KMT2C: variants seen among roughly 807,000 people sequenced by gnomAD.
KMT2C encodes the protein histone-lysine N-methyltransferase 2C.
In KMT2C, 88 loss-of-function variants were observed where a neutral mutation model predicts 507.9. That is an observed-to-expected ratio of 0.17 (90% CI 0.15 to 0.21). The LOEUF (loss-of-function observed/expected upper bound fraction) is 0.21, where lower values mean the gene tolerates loss of function less well. Among genes scored for constraint, KMT2C ranks in the 10% least tolerant of loss-of-function variants. KMT2C has a pLI of 1.00. For synonymous variants in KMT2C, 2,049 were observed against 2,080.8 expected (o/e 0.98, Z 0.42); for missense variants, 4,954 against 5,957.8 (o/e 0.83, Z 5.55).
intron 3 of KMT2C, among the ~76,000 whole-genome samples, chr7:152,318,280 AT>A (rs1387268218): frequency 1.3e-5 from 2 of 151,992 alleles, no homozygotes; most frequent in Non-Finnish European, 1.5e-5. Context: ...TTAAAAGACC[AT>A]TTTTGAGATT....
intron 6 of KMT2C, among the ~76,000 whole-genome samples, chr7:152,280,927 G>A (rs917707101): frequency 1.1e-4 from 17 of 151,852 alleles, no homozygotes; most frequent in African/African-American, 3.9e-4. Flanking sequence ...TTTAAACTCT[G>A]GCTTGGAAAT....
chr7:152,338,022 A>T (rs2096954158), intron 2 of KMT2C, among the ~76,000 whole-genome samples: 1 of 151,692 alleles, frequency 6.6e-6, no homozygotes, highest in Admixed American at 6.6e-5. Context: ...ACACCTGGCT[A>T]ATTTTTTGTA....
chr7:152,159,485 T>C (rs548792881), intron 43 of KMT2C, among the ~76,000 whole-genome samples: 61 of 152,308 alleles, frequency 4.0e-4, no homozygotes, highest in African/African-American at 1.5e-3. Flanking sequence ...CCTTAGGAAC[T>C]AGTGAAATAT....
At chr7:152,324,736 C>G (rs1197759653) in intron 3 of KMT2C, among the ~76,000 whole-genome samples, 1 of 151,962 alleles carries the variant, frequency 6.6e-6, no homozygotes, top group Non-Finnish European at 1.5e-5. Context: ...CTGTCTTAAA[C>G]TAGCTGTTCC....
At position 152,177,426 on chromosome 7, in the gene KMT2C, T is replaced by C. The variant is rs1369567253; in HGVS notation, c.8027A>G (p.Gln2676Arg). Residue 2676 changes from glutamine (Q) to arginine (R), a missense_variant, in exon 38 of 59, where the codon CAG becomes CGG. Gln to Arg is a conservative substitution (Grantham distance 43). Coordinates refer to ENST00000262189, the MANE Select transcript of KMT2C (RefSeq NM_170606.3). Reference sequence around the variant, plus strand: ...ACCATCAGAAGGCTGGGTGGTTATCTGTAAATTATCAGACGTTGTTTCAGA... The same window carrying C: ...ACCATCAGAAGGCTGGGTGGTTATCCGTAAATTATCAGACGTTGTTTCAGA... ...VPSETTSDNL[Q>R]ITTQPSDGLE... The C allele has an allele frequency of 6.2e-7, 1 of 1,614,162 alleles. No homozygotes were observed. The highest frequency in any genetic ancestry group is 1.1e-5 in the South Asian group (1 of 91,080).
At chr7:152,423,682 A>G (rs1256792437) in intron 1 of KMT2C, among the ~76,000 whole-genome samples, 1 of 152,204 alleles carries the variant, frequency 6.6e-6, no homozygotes, top group East Asian at 1.9e-4. Context: ...ACAGAAATAA[A>G]CACTCCTGTT....
chr7:152,333,022 G>A (rs2096898733), intron 2 of KMT2C, among the ~76,000 whole-genome samples: 1 of 152,052 alleles, frequency 6.6e-6, no homozygotes, highest in Non-Finnish European at 1.5e-5. Flanking sequence ...TTAGTGAAAT[G>A]ATCTTCTATC....
In KMT2C at chr7:152,148,494, C is replaced by T. The variant is rs1384379726; in HGVS notation, c.13433G>A (p.Arg4478Gln). Residue 4478 changes from arginine (R) to glutamine (Q), a missense_variant, in exon 52 of 59, where the codon CGA becomes CAA. Transcript: ENST00000262189. This position sits in a 1 kb window ranked among gnomAD's most constrained non-coding sequence, Gnocchi z 7.1. ...TGATSGCHRF[R>Q]CTNIYHFTCA... The stretch of plus-strand genomic sequence containing the variant: ...AGTGAAGTGATAAATGTTGGTGCAT[C>T]GAAATCTGTGGCATCCACTAGTGGC... The T allele has an allele frequency of 2.5e-6, 4 of 1,614,078 alleles. No homozygotes were observed. Among genetic ancestry groups the T allele is most frequent in the South Asian group, 1.1e-5 (1 of 91,092 alleles).
Position 152,361,298 on chromosome 7 carries a change from C to T in KMT2C, c.162-2623G>A, listed in dbSNP as rs538509991. 4.1e-4 allele frequency among the ~76,000 whole-genome samples: 62 copies of T among 152,238 alleles called. No homozygotes were observed. In the East Asian group the frequency reaches 9.6e-3, roughly 24 times the overall value. Reference sequence around the variant, plus strand: ...TTTTTAGGCTGGGCACGGTGGCTCACGCCTGTAATCCCAGCACTTTGGGAG... The same window carrying T: ...TTTTTAGGCTGGGCACGGTGGCTCATGCCTGTAATCCCAGCACTTTGGGAG... On this transcript the variant is annotated intron_variant, in intron 1 of 58. Coordinates refer to ENST00000262189, the MANE Select transcript of KMT2C (RefSeq NM_170606.3).
At chr7:152,195,633 AAAC>A in intron 28 of KMT2C, 1 of 744,326 alleles carries the variant, frequency 1.3e-6, no homozygotes. Flanking sequence ...GGGAAAATAC[AAAC>A]AAAAGAAGAA....
intron 9 of KMT2C, among the ~76,000 whole-genome samples, chr7:152,255,636 T>C (rs531791173): frequency 1.0e-3 from 158 of 152,178 alleles, no homozygotes; most frequent in Middle Eastern, 6.8e-3. Context: ...CTACAAAGGC[T>C]CTATAACAAA....
Position 152,248,007 on chromosome 7 carries a change from T to C in KMT2C, c.2427A>G (p.Gly809=), listed in dbSNP as rs2095504381. 1 of 1,614,254 alleles carries C rather than the reference T, an allele frequency of 6.2e-7. No individual in the cohort carries two copies. Among genetic ancestry groups the C allele is most frequent in the Non-Finnish European group, 8.5e-7 (1 of 1,180,006 alleles). The change falls in exon 14 of 59, where the codon GGA becomes GGG. Residue 809 remains glycine (G), a synonymous_variant. Coordinates refer to ENST00000262189, the MANE Select transcript of KMT2C (RefSeq NM_170606.3). The part of the protein sequence containing the change: ...NYPSALSSSA[G]NIMPTTYISV... ...AGATGTAAGTTGTTGGCATGATGTT[T>C]CCAGCAGAGGAACTAAGAGCTGAAG...
At chr7:152,246,921 T>C (rs1002042272) in intron 14 of KMT2C, among the ~76,000 whole-genome samples, 11 of 152,156 alleles carry the variant, frequency 7.2e-5, no homozygotes, top group African/African-American at 2.2e-4. Context: ...GGGTTTGATA[T>C]AGAGGAGACT....
At chr7:152,405,316 C>A (rs2097602909) in intron 1 of KMT2C, among the ~76,000 whole-genome samples, 1 of 150,772 alleles carries the variant, frequency 6.6e-6, no homozygotes, top group African/African-American at 2.5e-5. Flanking sequence ...TCGATCTCTG[C>A]TCACTGCAAC....
chr7:152,181,042 G>C lies in KMT2C; in HGVS notation c.6818C>G (p.Ser2273Cys), dbSNP rs1587993573. ...GPLVRPPDTC[S>C]QTPRPPGPGL... ...AGGTCCAGGGGGCCTAGGTGTCTGGGAACATGTATCAGGTGGCCTTACCAA... is the reference window on the plus strand; with the variant it reads ...AGGTCCAGGGGGCCTAGGTGTCTGGCAACATGTATCAGGTGGCCTTACCAA... The change falls in exon 36 of 59, where the codon TCC (serine) becomes TGC (cysteine). Residue 2273 changes from serine (S) to cysteine (C), a missense_variant. Around this residue, in one of 29 missense-constraint regions of KMT2C, gnomAD observed 1,689 missense variants for 1,654.3 expected, o/e 1.02. Transcript: ENST00000262189. The C allele has an allele frequency of 6.2e-7, 1 of 1,614,152 alleles. No individual in the cohort carries two copies. Among genetic ancestry groups the C allele is most frequent in the Non-Finnish European group, 8.5e-7 (1 of 1,180,028 alleles).
chr7:152,274,524 A>T (rs1418245796), intron 6 of KMT2C, among the ~76,000 whole-genome samples: 2 of 152,224 alleles, frequency 1.3e-5, no homozygotes, highest in African/African-American at 4.8e-5. Context: ...AATAAGCCCC[A>T]AACAAGAGGG....
intron 4 of KMT2C, among the ~76,000 whole-genome samples, chr7:152,312,473 A>G (rs1209661553): frequency 6.6e-6 from 1 of 152,224 alleles, no homozygotes; most frequent in Non-Finnish European, 1.5e-5. Context: ...AATGGAATGT[A>G]TCAGCTGTAG....
rs1232843333 is a variant in KMT2C at position 152,248,036 on chromosome 7, A to T, written c.2398T>A (p.Tyr800Asn). 6.2e-7 allele frequency: 1 copy of T among 1,614,246 alleles called. No individual in the cohort carries two copies. Among genetic ancestry groups the T allele is most frequent in the Non-Finnish European group, 8.5e-7 (1 of 1,180,016 alleles). Residue 800 changes from tyrosine (Y) to asparagine (N), a missense_variant, in exon 14 of 59, where the codon TAC becomes AAC. Around this residue, in one of 29 missense-constraint regions of KMT2C, gnomAD observed 7 missense variants for 72.6 expected, o/e 0.10. Coordinates refer to ENST00000262189, the MANE Select transcript of KMT2C (RefSeq NM_170606.3). ...DLPSHDMLHN[Y>N]PSALSSSAGN... ...GCAGAGGAACTAAGAGCTGAAGGGTAATTATGCAGCATGTCATGCGAAGGC... is the reference window on the plus strand; with the variant it reads ...GCAGAGGAACTAAGAGCTGAAGGGTTATTATGCAGCATGTCATGCGAAGGC...
chr7:152,166,130 T>A (rs913537092), intron 42 of KMT2C, among the ~76,000 whole-genome samples: 1 of 151,676 alleles, frequency 6.6e-6, no homozygotes, highest in Non-Finnish European at 1.5e-5. Context: ...CACATTTTTT[T>A]TTTTTTTTTT....
Sources: gnomAD v4.1 joint callset for allele counts (sites outside exome capture counted in the v4.1 genomes callset) on GRCh38, gnomAD v4.1.1 for gene constraint, gnomAD v4.1.1 regional missense constraint, Gnocchi (gnomAD v3.1) non-coding constraint, MANE v1.5 for transcripts, NCBI Gene and HGNC (gene_info 2026-07-23, HGNC 2026-07-21) for gene names.